Variants in CLTCL1 observed in about 807,000 individuals in gnomAD.
The protein encoded by CLTCL1 is clathrin heavy chain like 1.
CLTCL1 carries 159 observed loss-of-function variants against 190.0 expected under a neutral mutation model. The observed-to-expected ratio is 0.84, with a 90% CI of 0.74 to 0.95. The LOEUF (loss-of-function observed/expected upper bound fraction) is 0.95, where lower values mean the gene tolerates loss of function less well. Among genes scored for constraint, CLTCL1 ranks in the 40% least tolerant of loss-of-function variants. The pLI, the probability that CLTCL1 is intolerant of heterozygous loss-of-function variation, is 0.00. For synonymous variants in CLTCL1, 752 were observed against 769.6 expected (o/e 0.98, Z 0.38); for missense variants, 1,878 against 2,033.4 (o/e 0.92, Z 1.47).
intron 7 of CLTCL1, 48 bp downstream of exon 7, chr22:19,234,461 T>G: frequency 1.4e-6 from 2 of 1,456,254 alleles, no homozygotes; most frequent in Non-Finnish European, 1.9e-6. Context: ...CCTCTCAAGG[T>G]TGGTTCTTAA....
chr22:19,221,715 A>T, intron 16 of CLTCL1, 104 bp from the exon 17 acceptor site: 1 of 1,122,334 alleles, frequency 8.9e-7, no homozygotes, highest in Admixed American at 2.5e-5. Context: ...AAAATCTCAG[A>T]GTCCATTGAC....
intron 2 of CLTCL1, among the ~76,000 whole-genome samples, chr22:19,266,212 C>A (rs1373031207): frequency 6.6e-6 from 1 of 152,002 alleles, no homozygotes; most frequent in Non-Finnish European, 1.5e-5. Context: ...AAGAAAAAAA[C>A]AGAAGACACA....
chr22:19,283,254 G>C (rs1555988040), intron 1 of CLTCL1, among the ~76,000 whole-genome samples: 1 of 151,680 alleles, frequency 6.6e-6, no homozygotes, highest in Non-Finnish European at 1.5e-5. Context: ...AGGTAACCTA[G>C]CTACACATTT....
chr22:19,287,953 C>G (rs145815791), intron 1 of CLTCL1, among the ~76,000 whole-genome samples: 33 of 152,266 alleles, frequency 2.2e-4, no homozygotes, highest in African/African-American at 6.7e-4. Context: ...TTTTTTCACA[C>G]TGTTACCTAT....
chr22:19,205,290 G>A (rs1285012566), intron 22 of CLTCL1, among the ~76,000 whole-genome samples: 1 of 152,072 alleles, frequency 6.6e-6, no homozygotes, highest in Admixed American at 6.5e-5. Context: ...CGGGTGGATG[G>A]TTTGAGCACA....
Position 19,233,271 on chromosome 22 carries a change from G to A in CLTCL1, c.1416C>T (p.Pro472=), listed in dbSNP as rs1227913877. ...ELGDLVKTTD[P]MLALSVYLRA... ...GAAGGTACACACTCAGAGCGAGCATGGGGTCAGTGGTTTTGACCAAGTCTC... is the reference window on the plus strand; with the variant it reads ...GAAGGTACACACTCAGAGCGAGCATAGGGTCAGTGGTTTTGACCAAGTCTC... Residue 472 remains proline (P), a synonymous_variant, in exon 9 of 33, where the codon CCC becomes CCT. Transcript: ENST00000427926. The A allele has an allele frequency of 6.2e-7, 1 of 1,613,792 alleles. No homozygotes were observed. Among genetic ancestry groups the A allele is most frequent in the Non-Finnish European group, 8.5e-7 (1 of 1,179,782 alleles).
chr22:19,274,833 G>A (rs1555982357), intron 2 of CLTCL1, among the ~76,000 whole-genome samples: 1 of 151,410 alleles, frequency 6.6e-6, no homozygotes, highest in African/African-American at 2.4e-5. Context: ...GGGTTCAAGA[G>A]ATTCTCCTCA....
intron 22 of CLTCL1, chr22:19,207,939 A>C: frequency 1.4e-6 from 1 of 692,940 alleles, no homozygotes; most frequent in Admixed American, 2.0e-5. Flanking sequence ...GAATTATTTC[A>C]TTATATATTA....
chr22:19,204,904 C>G (rs528758451), intron 22 of CLTCL1, among the ~76,000 whole-genome samples: 22 of 152,290 alleles, frequency 1.4e-4, no homozygotes, highest in African/African-American at 4.8e-4. Flanking sequence ...GGTAAAGAGC[C>G]AGGTGTGCCT....
intron 19 of CLTCL1, among the ~76,000 whole-genome samples, chr22:19,212,585 G>GAGAA (rs782078152): frequency 4.3e-4 from 49 of 113,060 alleles, no homozygotes; most frequent in Middle Eastern, 5.2e-3. Context: ...AAGAAAGAAA[G>GAGAA]AGAAAGAAAG....
intron 2 of CLTCL1, among the ~76,000 whole-genome samples, chr22:19,256,520 C>A (rs2086764337): frequency 6.6e-6 from 1 of 151,854 alleles, no homozygotes; most frequent in South Asian, 2.1e-4. Context: ...TCACGCCCAC[C>A]TAATTTTCGC....
chr22:19,200,193 C>T (rs2084837277), intron 23 of CLTCL1, among the ~76,000 whole-genome samples: 1 of 152,142 alleles, frequency 6.6e-6, no homozygotes, highest in African/African-American at 2.4e-5. Context: ...TGCATCTCAT[C>T]TGAGTGTTGT....
At chr22:19,236,849 T>C (rs1195823856) in intron 5 of CLTCL1, among the ~76,000 whole-genome samples, 1 of 152,090 alleles carries the variant, frequency 6.6e-6, no homozygotes, top group African/African-American at 2.4e-5. Flanking sequence ...ATATAACATA[T>C]ATTATTAATA....
chr22:19,223,814 G>T, intron 14 of CLTCL1, 77 bp downstream of exon 14: 1 of 1,563,874 alleles, frequency 6.4e-7, no homozygotes, highest in South Asian at 1.1e-5. Flanking sequence ...TCCTGCCCCT[G>T]GGACGTCCTG....
chr22:19,184,165 C>T (rs554787495), intron 29 of CLTCL1: 80 of 265,190 alleles, frequency 3.0e-4, no homozygotes, highest in African/African-American at 1.7e-3. Context: ...TTTCTGTGGC[C>T]ATTCTCTATT....
intron 26 of CLTCL1, among the ~76,000 whole-genome samples, chr22:19,192,354 C>T (rs1468328319): frequency 6.6e-6 from 1 of 152,194 alleles, no homozygotes; most frequent in Non-Finnish European, 1.5e-5. Context: ...CGTGAGCCAC[C>T]GCGCCCAGCC....
intron 3 of CLTCL1, chr22:19,249,820 C>G: frequency 6.0e-6 from 2 of 333,120 alleles, no homozygotes; most frequent in Admixed American, 6.7e-5. Context: ...AATTAACTTT[C>G]ATACCCTGTT....
chr22:19,291,561 G>A (rs1422523724), intron 1 of CLTCL1, 39 bp downstream of exon 1: 4 of 1,330,698 alleles, frequency 3.0e-6, no homozygotes, highest in African/African-American at 1.5e-5. Context: ...CGGCGGAGGC[G>A]CGGCTGACAG....
intron 26 of CLTCL1, among the ~76,000 whole-genome samples, chr22:19,192,935 C>T (rs540980689): frequency 3.3e-5 from 5 of 152,334 alleles, no homozygotes; most frequent in Admixed American, 6.5e-5. Flanking sequence ...TACTCAGCAG[C>T]AGGGCCAGGA....
Sources: gnomAD v4.1 joint callset for allele counts (sites outside exome capture counted in the v4.1 genomes callset) on GRCh38, gnomAD v4.1.1 for gene constraint, MANE v1.5 for transcripts, NCBI Gene and HGNC (gene_info 2026-07-23, HGNC 2026-07-21) for gene names.